Variants in CHST8 observed in about 807,000 individuals in gnomAD.
CHST8 encodes carbohydrate sulfotransferase 8.
A neutral mutation model predicts 15.0 loss-of-function variants in CHST8; 10 were observed. The observed-to-expected ratio is 0.67, with a 90% CI of 0.41 to 1.13. The LOEUF is 1.13. Ranked by LOEUF, CHST8 falls within the 50% of genes most tolerant of loss-of-function variation. The probability of loss-of-function intolerance (pLI) is 0.00; values close to 1 mark genes in which losing one functional copy is unlikely to be tolerated. For missense variants in CHST8, 634 were observed against 608.2 expected, an observed-to-expected ratio of 1.04 and a Z score of -0.45; for synonymous variants, 259 against 256.6, an observed-to-expected ratio of 1.01 and a Z score of -0.09.
At chr19:33,632,148 T>G (rs117213462) in intron 1 of CHST8, among the ~76,000 whole-genome samples, 24,827 of 151,024 alleles carry the variant, frequency 0.16, 2,230 homozygotes, top group Non-Finnish European at 0.21. Flanking sequence ...TCTTTTTTTT[T>G]TTTTTTTTCC....
At chr19:33,687,164 G>A (rs530524452) in intron 2 of CHST8, among the ~76,000 whole-genome samples, 1 of 152,264 alleles carries the variant, frequency 6.6e-6, no homozygotes, top group Non-Finnish European at 1.5e-5. Flanking sequence ...GGACTCTGCA[G>A]TGCAGTGCTG....
rs563642617 is a variant in CHST8, at chr19:33,666,827, C to T, written c.-163-940C>T. 7.8e-4 allele frequency among the ~76,000 whole-genome samples: 118 copies of T among 152,250 alleles called. 1 individual carries two copies. The highest frequency in any genetic ancestry group is 2.7e-3 in the African/African-American group (113 of 41,546). ...AAGCAATTCCCCTGTCTCAGCCTCC[C>T]GCGTAGCTGGGACTACAGGTGCACA... is the stretch of plus-strand genomic sequence containing the variant. On this transcript the variant is annotated intron_variant, in intron 1 of 4. Coordinates refer to ENST00000650847, the MANE Select transcript of CHST8 (RefSeq NM_001127895.2).
At chr19:33,670,101 C>T (rs973284928) in intron 2 of CHST8, among the ~76,000 whole-genome samples, 3 of 152,218 alleles carry the variant, frequency 2.0e-5, no homozygotes, top group African/African-American at 7.2e-5. Flanking sequence ...TGCCAAGCAT[C>T]AGCTTCTAGT....
intron 1 of CHST8, among the ~76,000 whole-genome samples, chr19:33,655,766 GT>G (rs201406670): frequency 6.6e-6 from 1 of 151,232 alleles, no homozygotes; most frequent in Non-Finnish European, 1.5e-5. Context: ...TATTAATGTT[GT>G]TTTTTTTCTC....
At chr19:33,697,989 C>T (rs1973253323) in intron 3 of CHST8, among the ~76,000 whole-genome samples, 1 of 152,098 alleles carries the variant, frequency 6.6e-6, no homozygotes, top group Non-Finnish European at 1.5e-5. Flanking sequence ...TCAGAAAGCT[C>T]ATTCTGGGCT....
At chr19:33,757,868 T>C (rs960069716) in intron 3 of CHST8, among the ~76,000 whole-genome samples, 5 of 152,114 alleles carry the variant, frequency 3.3e-5, no homozygotes, top group Non-Finnish European at 5.9e-5. Flanking sequence ...ATGCTCAAGT[T>C]TGACCCCTCA....
At chr19:33,759,316 G>C (rs549491337) in intron 3 of CHST8, among the ~76,000 whole-genome samples, 1 of 152,244 alleles carries the variant, frequency 6.6e-6, no homozygotes, top group Non-Finnish European at 1.5e-5. Flanking sequence ...GACCAAATGA[G>C]GTGCCTTCCT....
chr19:33,706,610 A>C (rs1273025132), intron 3 of CHST8, among the ~76,000 whole-genome samples: 1 of 152,062 alleles, frequency 6.6e-6, no homozygotes, highest in African/African-American at 2.4e-5. Context: ...TTGGGTGACA[A>C]ATTGCCATTC....
chr19:33,748,232 G>A (rs1048837012), intron 3 of CHST8, among the ~76,000 whole-genome samples: 33 of 152,214 alleles, frequency 2.2e-4, no homozygotes, highest in African/African-American at 8.0e-4. Flanking sequence ...CCACTGGATG[G>A]CGGTGAGCTC....
intron 3 of CHST8, among the ~76,000 whole-genome samples, chr19:33,716,374 G>A (rs559028992): frequency 6.6e-6 from 1 of 152,192 alleles, no homozygotes; most frequent in African/African-American, 2.4e-5. Flanking sequence ...GATTGATTTT[G>A]TTTTGTTTTT....
chr19:33,670,815 T>A (rs1321524654), intron 2 of CHST8, among the ~76,000 whole-genome samples: 1 of 152,162 alleles, frequency 6.6e-6, no homozygotes, highest in Non-Finnish European at 1.5e-5. Context: ...GTCACTGACA[T>A]GAGCAACACT....
chr19:33,729,828 G>A (rs937554268), intron 3 of CHST8, among the ~76,000 whole-genome samples: 1 of 152,222 alleles, frequency 6.6e-6, no homozygotes, highest in Non-Finnish European at 1.5e-5. Flanking sequence ...TCGACTGGTG[G>A]AAGAGTGCAG....
chr19:33,710,080 C>T (rs1296147790), intron 3 of CHST8, among the ~76,000 whole-genome samples: 1 of 152,142 alleles, frequency 6.6e-6, no homozygotes, highest in African/African-American at 2.4e-5. Context: ...CTTTCTAGGG[C>T]TTTGTTCATG....
chr19:33,644,912 T>C (rs1014565816), intron 1 of CHST8, among the ~76,000 whole-genome samples: 4 of 152,070 alleles, frequency 2.6e-5, no homozygotes, highest in African/African-American at 9.7e-5. Flanking sequence ...ATGTGGACCA[T>C]ACAGATGGTC....
intron 3 of CHST8, among the ~76,000 whole-genome samples, chr19:33,723,487 C>T (rs78275098): frequency 0.019 from 2,853 of 152,266 alleles, 83 homozygotes; most frequent in African/African-American, 0.064. Context: ...ACAGGATTCC[C>T]AGCAGGCTGT....
At chr19:33,646,348 G>A (rs1015982499) in intron 1 of CHST8, among the ~76,000 whole-genome samples, 3 of 151,840 alleles carry the variant, frequency 2.0e-5, no homozygotes, top group East Asian at 1.9e-4. Flanking sequence ...GACAGTTTCC[G>A]GGTGGGGGTC....
At chr19:33,712,381 C>T (rs570678018) in intron 3 of CHST8, among the ~76,000 whole-genome samples, 5 of 152,188 alleles carry the variant, frequency 3.3e-5, no homozygotes, top group South Asian at 4.2e-4. Context: ...GGTGGACAAG[C>T]GGGGGCTGTG....
intron 3 of CHST8, among the ~76,000 whole-genome samples, chr19:33,751,550 G>A (rs566785535): frequency 1.3e-5 from 2 of 152,258 alleles, no homozygotes; most frequent in African/African-American, 4.8e-5. Context: ...CTTTTCTGAT[G>A]GTGGACACTG....
intron 3 of CHST8, among the ~76,000 whole-genome samples, chr19:33,728,295 A>G (rs984916282): frequency 1.3e-5 from 2 of 152,212 alleles, no homozygotes; most frequent in African/African-American, 4.8e-5. Flanking sequence ...GGTGACATCT[A>G]TGTCCTTGAT....
Sources: allele counts gnomAD v4.1 joint callset (sites outside exome capture counted in the v4.1 genomes callset), GRCh38; gene constraint gnomAD v4.1.1; transcripts MANE v1.5; gene names NCBI Gene and HGNC (gene_info 2026-07-23, HGNC 2026-07-21).